Variants in FREM1 observed in about 807,000 individuals in gnomAD.
FREM1 encodes the protein FRAS1 related extracellular matrix 1.
Under a neutral mutation model 210.1 loss-of-function variants are expected in FREM1, and 220 were observed. That is an observed-to-expected ratio of 1.05 (90% CI 0.94 to 1.17). The LOEUF (loss-of-function observed/expected upper bound fraction) is 1.17. Ranked by LOEUF, FREM1 falls within the 50% of genes most tolerant of loss-of-function variation. The pLI, the probability that FREM1 is intolerant of heterozygous loss-of-function variation, is 0.00. For missense variants in FREM1, 3,454 were observed against 2,675.5 expected (o/e 1.29, Z -6.42); for synonymous variants, 1,189 against 980.2 (o/e 1.21, Z -3.98).
At chr9:14,765,609 T>C (rs1233183653) in intron 27 of FREM1, among the ~76,000 whole-genome samples, 1 of 152,182 alleles carries the variant, frequency 6.6e-6, no homozygotes, top group East Asian at 1.9e-4. Context: ...TGTGCAGGTA[T>C]TAGCTAGCCA....
chr9:14,851,717 G>T, intron 5 of FREM1, 110 bp from the exon 6 acceptor site: 2 of 894,254 alleles, frequency 2.2e-6, no homozygotes, highest in Non-Finnish European at 3.7e-6. Flanking sequence ...GTCTAGCAGT[G>T]ACCTGAAGCC....
chr9:14,900,353 A>C (rs1173029235), intron 1 of FREM1, among the ~76,000 whole-genome samples: 2 of 152,260 alleles, frequency 1.3e-5, no homozygotes, highest in East Asian at 1.9e-4. Context: ...CTGCATTAAT[A>C]ACTGCATTTT....
At chr9:14,896,334 A>G (rs1348610248) in intron 1 of FREM1, among the ~76,000 whole-genome samples, 2 of 152,152 alleles carry the variant, frequency 1.3e-5, no homozygotes, top group Non-Finnish European at 2.9e-5. Context: ...TCACGAGGTC[A>G]GGAGTTCGAG....
At chr9:14,739,467 T>TAAAATTC (rs1841069572) in intron 36 of FREM1, among the ~76,000 whole-genome samples, 6 of 111,834 alleles carry the variant, frequency 5.4e-5, no homozygotes, top group African/African-American at 1.6e-4. Context: ...TATATATATA[T>TAAAATTC]ATATATATAA....
intron 21 of FREM1, among the ~76,000 whole-genome samples, chr9:14,794,931 G>A (rs190952969): frequency 1.9e-4 from 29 of 148,822 alleles, no homozygotes; most frequent in Admixed American, 4.1e-4. Flanking sequence ...CTGGGAGACA[G>A]AGCTTGCAGT....
intron 5 of FREM1, among the ~76,000 whole-genome samples, chr9:14,852,771 C>T (rs190288297): frequency 5.3e-5 from 8 of 152,318 alleles, no homozygotes; most frequent in South Asian, 2.1e-4. Context: ...GAGAACCAGG[C>T]TCAGTTACCA....
At chr9:14,767,321 G>A (rs907392442) in intron 27 of FREM1, among the ~76,000 whole-genome samples, 2 of 152,152 alleles carry the variant, frequency 1.3e-5, no homozygotes, top group Non-Finnish European at 2.9e-5. Flanking sequence ...GGTGGCCAAT[G>A]TCTGAAGAGA....
intron 3 of FREM1, among the ~76,000 whole-genome samples, chr9:14,861,202 C>T (rs1230298811): frequency 1.0e-5 from 1 of 97,214 alleles, no homozygotes; most frequent in African/African-American, 6.1e-5. Context: ...TACATATATA[C>T]ACACATATAC....
intron 13 of FREM1, among the ~76,000 whole-genome samples, chr9:14,821,745 GC>G (rs1253644113): frequency 2.6e-5 from 4 of 152,196 alleles, no homozygotes; most frequent in African/African-American, 9.6e-5. Context: ...TTGGATGGGG[GC>G]TTAGATGGTC....
intron 36 of FREM1, among the ~76,000 whole-genome samples, chr9:14,738,656 AG>A (rs1840853299): frequency 6.6e-6 from 1 of 152,192 alleles, no homozygotes; most frequent in Non-Finnish European, 1.5e-5. Flanking sequence ...TTTAAAGAGA[AG>A]TAGTGGGGAT....
At chr9:14,784,812 C>G (rs1216785974) in intron 23 of FREM1, among the ~76,000 whole-genome samples, 178 bp from the exon 24 acceptor site, 1 of 152,128 alleles carries the variant, frequency 6.6e-6, no homozygotes, top group African/African-American at 2.4e-5. Flanking sequence ...AGATATTTCA[C>G]AGAAGAAGAA....
At chr9:14,852,927 A>C (rs1828040009) in intron 5 of FREM1, among the ~76,000 whole-genome samples, 1 of 152,262 alleles carries the variant, frequency 6.6e-6, no homozygotes, top group South Asian at 2.1e-4. Context: ...GAATTTACAA[A>C]GCAAGTTGTC....
At chr9:14,743,470 C>T (rs925362753) in intron 35 of FREM1, among the ~76,000 whole-genome samples, 32 of 152,106 alleles carry the variant, frequency 2.1e-4, no homozygotes, top group African/African-American at 7.2e-4. Context: ...ATTATAATCT[C>T]GTAATAAAGA....
intron 21 of FREM1, among the ~76,000 whole-genome samples, chr9:14,794,364 T>C (rs189552033): frequency 1.3e-5 from 2 of 152,126 alleles, no homozygotes; most frequent in Non-Finnish European, 2.9e-5. Context: ...AGCTGGAGCA[T>C]TTATCTTATC....
At chr9:14,861,407 G>T (rs1830549665) in intron 3 of FREM1, among the ~76,000 whole-genome samples, 2 of 147,668 alleles carry the variant, frequency 1.4e-5, no homozygotes, top group Non-Finnish European at 1.5e-5. Flanking sequence ...ATGTAATGGG[G>T]TACATGAGAT....
chr9:14,750,653 G>A (rs1843189741), intron 29 of FREM1, among the ~76,000 whole-genome samples: 1 of 152,166 alleles, frequency 6.6e-6, no homozygotes, highest in South Asian at 2.1e-4. Context: ...ATCTTAAGCT[G>A]TTGATGCAGA....
intron 28 of FREM1, among the ~76,000 whole-genome samples, chr9:14,758,390 G>T (rs1844820303): frequency 6.6e-6 from 1 of 152,180 alleles, no homozygotes; most frequent in South Asian, 2.1e-4. Context: ...AGGACGGGAG[G>T]ATTATTAGAA....
chr9:14,867,740 G>A (rs899957694), intron 2 of FREM1, among the ~76,000 whole-genome samples: 54 of 152,182 alleles, frequency 3.5e-4, no homozygotes, highest in Non-Finnish European at 6.8e-4. Context: ...CAGCAAAAGA[G>A]AATGGTCCAT....
In FREM1 at chr9:14,784,436, T is replaced by C. The variant is rs907012004; in HGVS notation, c.4376A>G (p.Asp1459Gly). ...ATAGCAAACTGTCTGCCCCACTACATCCATTTGGCTGAAGTTTGTAATGGG... is the reference window on the plus strand; with the variant it reads ...ATAGCAAACTGTCTGCCCCACTACACCCATTTGGCTGAAGTTTGTAATGGG... The part of the protein sequence containing the change: ...GVPITNFSQM[D>G]VVGQTVCYVH... Residue 1459 changes from aspartate (D) to glycine (G), a missense_variant, in exon 24 of 37, where the codon GAT becomes GGT. Coordinates refer to ENST00000380880, the MANE Select transcript of FREM1 (RefSeq NM_001379081.2). The C allele has an allele frequency of 1.9e-6, 3 of 1,613,720 alleles. No homozygotes were observed. The highest frequency in any genetic ancestry group is 2.7e-5 in the African/African-American group (2 of 74,896).
Sources: allele counts gnomAD v4.1 joint callset (sites outside exome capture counted in the v4.1 genomes callset), GRCh38; gene constraint gnomAD v4.1.1; transcripts MANE v1.5; gene names NCBI Gene and HGNC (gene_info 2026-07-23, HGNC 2026-07-21).